The following DCAF17 variants were observed in gnomAD, a reference collection of about 807,000 sequenced individuals.
The protein encoded by DCAF17 is DDB1- and CUL4-associated factor 17.
Under a neutral mutation model 66.0 loss-of-function variants are expected in DCAF17, and 48 were observed. That is an observed-to-expected ratio of 0.73 (90% CI 0.58 to 0.92). The LOEUF is 0.92. Ranked by LOEUF, DCAF17 falls within the 40% of genes least tolerant of loss-of-function variation. DCAF17 has a pLI of 0.00. For synonymous variants in DCAF17, 206 were observed against 214.6 expected, an observed-to-expected ratio of 0.96 and a Z score of 0.35; for missense variants, 562 against 622.8, an observed-to-expected ratio of 0.90 and a Z score of 1.04.
intron 9 of DCAF17, among the ~76,000 whole-genome samples, chr2:171,470,808 C>T (rs570572964): frequency 2.6e-5 from 4 of 152,126 alleles, no homozygotes; most frequent in African/African-American, 7.2e-5. Flanking sequence ...CACAAACACA[C>T]GCACACGTAC....
At chr2:171,458,604 C>T in intron 8 of DCAF17, 127 bp downstream of exon 8, 4 of 722,636 alleles carry the variant, frequency 5.5e-6, no homozygotes, top group Non-Finnish European at 9.3e-6. Context: ...TACTCCTATA[C>T]ATCATGTGCC....
Position 171,457,983 on chromosome 2 carries a change from G to A in DCAF17, c.640G>A (p.Val214Ile), listed in dbSNP as rs541750069. 9.7e-5 allele frequency: 156 copies of A among 1,613,994 alleles called. No individual in the cohort carries two copies. The highest frequency in any genetic ancestry group is 1.2e-4 in the Non-Finnish European group (147 of 1,179,914). The change falls in exon 7 of 14, where the codon GTT (valine) becomes ATT (isoleucine). Residue 214 changes from valine (V) to isoleucine (I), a missense_variant. By Grantham distance (29) the Val-to-Ile change is conservative. This residue lies in a region of DCAF17 where 348 missense variants were observed against 355.9 expected (regional missense o/e 0.98). Coordinates refer to ENST00000375255, the MANE Select transcript of DCAF17 (RefSeq NM_025000.4). The stretch of plus-strand genomic sequence containing the variant: ...TTCCCCCCGCCAGATTTTTGGGAAC[G>A]TTACAGATGCTACCTTGTCTCATGG... ...LEINKKIFGN[V>I]TDATLSHGIL... is the part of the protein sequence containing the mutation.
intron 10 of DCAF17, among the ~76,000 whole-genome samples, chr2:171,476,433 T>G (rs1489224260): frequency 6.6e-6 from 1 of 152,224 alleles, no homozygotes; most frequent in Non-Finnish European, 1.5e-5. Flanking sequence ...GAATTTCTTT[T>G]TAGTTAACCC....
rs780114312 is a variant in DCAF17 at position 171,434,628 on chromosome 2, G to A, written c.51G>A (p.Ala17=). 2.0e-6 allele frequency: 3 copies of A among 1,531,730 alleles called. No individual in the cohort carries two copies. The African/African-American group carries it at 4.2e-5, about 21-fold the overall frequency. 94.9% of individuals were successfully genotyped at this position (1,531,730 alleles called of 1,614,324 possible). Residue 17 remains alanine, a synonymous_variant, in exon 1 of 14, where the codon GCG becomes GCA. Coordinates refer to ENST00000375255, the MANE Select transcript of DCAF17 (RefSeq NM_025000.4). ...PNVCSRLSRR[A]LGCFSRDAGV... is the part of the protein sequence containing the mutation. Reference sequence around the variant, plus strand: ...TGTGCAGCCGGCTGAGTCGCCGGGCGCTGGGCTGCTTCTCGCGCGACGCAG... The same window carrying A: ...TGTGCAGCCGGCTGAGTCGCCGGGCACTGGGCTGCTTCTCGCGCGACGCAG...
At chr2:171,470,189 A>C (rs1388958101) in intron 9 of DCAF17, among the ~76,000 whole-genome samples, 1 of 152,088 alleles carries the variant, frequency 6.6e-6, no homozygotes, top group East Asian at 1.9e-4. Context: ...ATGCCTGGCT[A>C]CTTTTTTATT....
chr2:171,484,098 C>G lies in DCAF17; in HGVS notation c.*2984C>G, dbSNP rs1696857720. Reference sequence around the variant, plus strand: ...ATGTAGTTCTTCATTCAATGGTTAGCAGTCATTAAAAGGTACTTTCCCTTT... The same window carrying G: ...ATGTAGTTCTTCATTCAATGGTTAGGAGTCATTAAAAGGTACTTTCCCTTT... On this transcript the variant is annotated 3_prime_UTR_variant, in exon 14 of 14. Coordinates refer to ENST00000375255, the MANE Select transcript of DCAF17 (RefSeq NM_025000.4). 1 of 453,800 alleles carries G rather than the reference C, an allele frequency of 2.2e-6. No individual in the cohort carries two copies. Among genetic ancestry groups the G allele is most frequent in the Non-Finnish European group, 4.4e-6 (1 of 226,746 alleles). 28.1% of individuals were successfully genotyped at this position (453,800 alleles called of 1,614,324 possible).
Position 171,483,342 on chromosome 2 carries a change from T to C in DCAF17, c.*2228T>C, listed in dbSNP as rs1219178539. ...GGTACAAAACATTATGGGTAACAAT[T>C]CTGAGTGTTTAATGCAAGCCCAGGT... On this transcript the variant is annotated 3_prime_UTR_variant, in exon 14 of 14. Coordinates refer to ENST00000375255, the MANE Select transcript of DCAF17 (RefSeq NM_025000.4). 1 of 454,112 alleles carries C rather than the reference T, an allele frequency of 2.2e-6. No individual in the cohort carries two copies. Among genetic ancestry groups the C allele is most frequent in the African/African-American group, 2.0e-5 (1 of 50,114 alleles). 28.1% of individuals were successfully genotyped at this position (454,112 alleles called of 1,614,324 possible).
At position 171,484,734 on chromosome 2, in the gene DCAF17, T is replaced by C. The variant is rs1019842902; in HGVS notation, c.*3620T>C. 1.3e-5 allele frequency: 6 copies of C among 454,036 alleles called. No homozygotes were observed. The highest frequency in any genetic ancestry group is 2.6e-5 in the Non-Finnish European group (6 of 226,756). 28.1% of individuals were successfully genotyped at this position (454,036 alleles called of 1,614,324 possible). A position where few individuals can be genotyped will look rare whatever the true frequency, so the allele number is the denominator to read the frequency against. The stretch of plus-strand genomic sequence containing the variant: ...ATCTTCAGAAAGTTTCCTAAATCCC[T>C]CTCCCAGTCTATCCCCTCCCCACCC... On this transcript the variant is annotated 3_prime_UTR_variant, in exon 14 of 14. Transcript: ENST00000375255.
chr2:171,469,084 T>G, intron 9 of DCAF17, 54 bp downstream of exon 9: 3 of 1,595,674 alleles, frequency 1.9e-6, no homozygotes, highest in Non-Finnish European at 2.6e-6. Context: ...TTCTTTATTT[T>G]CTACCTCTCA....
chr2:171,470,828 C>A (rs958953989), intron 9 of DCAF17, among the ~76,000 whole-genome samples: 1 of 152,068 alleles, frequency 6.6e-6, no homozygotes, highest in Non-Finnish European at 1.5e-5. Flanking sequence ...CAGATACAGC[C>A]GGCCTTCTAT....
chr2:171,450,228 G>A (rs770050161), intron 5 of DCAF17, among the ~76,000 whole-genome samples: 1 of 152,086 alleles, frequency 6.6e-6, no homozygotes, highest in South Asian at 2.1e-4. Context: ...CTGGAGACTC[G>A]GGTGAAAGGG....
chr2:171,477,570 G>A (rs1211545867), intron 11 of DCAF17, among the ~76,000 whole-genome samples: 2 of 152,192 alleles, frequency 1.3e-5, no homozygotes, highest in African/African-American at 4.8e-5. Context: ...AAGGCAGACA[G>A]ATTGCTTGAG....
chr2:171,462,429 CAG>C (rs1192573122), intron 8 of DCAF17, among the ~76,000 whole-genome samples: 2 of 152,010 alleles, frequency 1.3e-5, no homozygotes, highest in South Asian at 2.1e-4. Flanking sequence ...TTAAAAGAAA[CAG>C]AAATATAAAT....
intron 2 of DCAF17, among the ~76,000 whole-genome samples, chr2:171,441,783 G>A (rs1694319095): frequency 6.6e-6 from 1 of 152,196 alleles, no homozygotes; most frequent in East Asian, 1.9e-4. Context: ...TTGAATAAAT[G>A]TTTCTTCATA....
intron 9 of DCAF17, among the ~76,000 whole-genome samples, chr2:171,471,121 A>T (rs967554394): frequency 6.6e-6 from 1 of 152,210 alleles, no homozygotes; most frequent in Non-Finnish European, 1.5e-5. Context: ...ATAACTGATT[A>T]TAACATTTAT....
chr2:171,435,553 T>G (rs1333783786), intron 2 of DCAF17, among the ~76,000 whole-genome samples: 1 of 151,858 alleles, frequency 6.6e-6, no homozygotes, highest in Non-Finnish European at 1.5e-5. Context: ...TTGCCTTTTT[T>G]TTTTTTTTTT....
At chr2:171,438,959 C>G (rs1429507414) in intron 2 of DCAF17, among the ~76,000 whole-genome samples, 1 of 152,028 alleles carries the variant, frequency 6.6e-6, no homozygotes, top group Non-Finnish European at 1.5e-5. Flanking sequence ...ATCTCATACT[C>G]CTGACCTCAA....
At position 171,484,962 on chromosome 2, in the gene DCAF17, T is replaced by C. The variant is rs977743895; in HGVS notation, c.*3848T>C. 5 of 454,002 alleles carry C rather than the reference T, an allele frequency of 1.1e-5. No homozygotes were observed. Among genetic ancestry groups the C allele is most frequent in the Non-Finnish European group, 2.2e-5 (5 of 226,786 alleles). The allele number at this position is 454,002 out of a possible 1,614,324, so 28.1% of individuals were successfully genotyped here. A position where few individuals can be genotyped will look rare whatever the true frequency, so the allele number is the denominator to read the frequency against. ...TCTTTCGTATGAATATATCACAGTTTGTTTTTTTATCTTTCTGTTGATGGA... is the reference window on the plus strand; with the variant it reads ...TCTTTCGTATGAATATATCACAGTTCGTTTTTTTATCTTTCTGTTGATGGA... On this transcript the variant is annotated 3_prime_UTR_variant, in exon 14 of 14. Transcript: ENST00000375255.
At chr2:171,458,110 G>A (rs926582246) in intron 7 of DCAF17, 35 bp downstream of exon 7, 3 of 1,554,402 alleles carry the variant, frequency 1.9e-6, no homozygotes, top group Non-Finnish European at 2.7e-6. Flanking sequence ...GTTACTATTA[G>A]CATGAGTTTT....
Sources: allele counts gnomAD v4.1 joint callset (sites outside exome capture counted in the v4.1 genomes callset), GRCh38; gene constraint gnomAD v4.1.1; regional missense constraint gnomAD v4.1.1; transcripts MANE v1.5; gene names NCBI Gene and HGNC (gene_info 2026-07-23, HGNC 2026-07-21).